GRIP1: variants seen among roughly 807,000 people sequenced by gnomAD.
GRIP1 encodes the protein glutamate receptor-interacting protein 1.
In GRIP1, 45 loss-of-function variants were observed where a neutral mutation model predicts 129.9. The observed-to-expected ratio is 0.35, with a 90% CI of 0.27 to 0.44. GRIP1 has a LOEUF of 0.44. GRIP1 is among the 20% of genes least tolerant of loss of function. GRIP1 has a pLI of 1.00. For synonymous variants in GRIP1, 530 were observed against 520.8 expected, an observed-to-expected ratio of 1.02 and a Z score of -0.24; for missense variants, 1,196 against 1,396.8, an observed-to-expected ratio of 0.86 and a Z score of 2.29.
At chr12:66,561,995 G>T (rs1001131773) in intron 2 of GRIP1, among the ~76,000 whole-genome samples, 1 of 151,922 alleles carries the variant, frequency 6.6e-6, no homozygotes, top group African/African-American at 2.4e-5. Context: ...CCTGGTGGGG[G>T]ATGTGGGGGT....
intron 1 of GRIP1, among the ~76,000 whole-genome samples, chr12:66,856,089 T>A (rs187926229): frequency 7.0e-4 from 107 of 152,214 alleles, no homozygotes; most frequent in African/African-American, 2.4e-3. Flanking sequence ...TGAAACCATC[T>A]TTGACAAACC....
At chr12:66,388,073 G>GT (rs1158429088) in intron 19 of GRIP1, among the ~76,000 whole-genome samples, 1 of 149,742 alleles carries the variant, frequency 6.7e-6, no homozygotes, top group African/African-American at 2.4e-5. Context: ...AAAATTGTAC[G>GT]TAAAAAAAAA....
At chr12:66,421,093 G>C (rs1030178199) in intron 14 of GRIP1, among the ~76,000 whole-genome samples, 2 of 152,072 alleles carry the variant, frequency 1.3e-5, no homozygotes, top group South Asian at 2.1e-4. Flanking sequence ...CTGAAGGGTG[G>C]GTATCTCAGT....
chr12:66,679,250 A>C (rs1443619909), upstream of GRIP1: 3 of 690,852 alleles, frequency 4.3e-6, no homozygotes, highest in Non-Finnish European at 6.3e-6. Flanking sequence ...AACGCTAAGC[A>C]CTGAACAGTG....
At chr12:66,794,040 TTATAAAG>T (rs2038625103) in intron 1 of GRIP1, among the ~76,000 whole-genome samples, 1 of 152,168 alleles carries the variant, frequency 6.6e-6, no homozygotes, top group African/African-American at 2.4e-5. Context: ...TATAAGAATC[TTATAAAG>T]TATAAACACT....
chr12:66,675,404 A>G (rs1393506851), intron 1 of GRIP1, among the ~76,000 whole-genome samples: 1 of 152,182 alleles, frequency 6.6e-6, no homozygotes, highest in African/African-American at 2.4e-5. Flanking sequence ...ATCCCATATC[A>G]CCAGAGAAAG....
At chr12:66,433,839 C>T (rs986314834) in intron 13 of GRIP1, among the ~76,000 whole-genome samples, 18 of 152,144 alleles carry the variant, frequency 1.2e-4, no homozygotes, top group African/African-American at 3.6e-4. Flanking sequence ...TCCACTTGGC[C>T]GGCTTGGTCA....
At chr12:66,870,519 G>A (rs1243994006) in intron 1 of GRIP1, among the ~76,000 whole-genome samples, 1 of 152,116 alleles carries the variant, frequency 6.6e-6, no homozygotes, top group Non-Finnish European at 1.5e-5. Context: ...TGGTATAAAA[G>A]CTTAAACTGT....
At chr12:66,623,497 C>T (rs912256556) in intron 1 of GRIP1, among the ~76,000 whole-genome samples, 1 of 152,112 alleles carries the variant, frequency 6.6e-6, no homozygotes, top group African/African-American at 2.4e-5. Flanking sequence ...ACAATATATA[C>T]TTGAACATTT....
rs878936374 is a variant in GRIP1, at chr12:66,444,472, G to A, written c.1687+112C>T. The A allele has an allele frequency of 2.1e-4, 181 of 868,108 alleles. 1 individual carries two copies. The South Asian group carries it at 2.2e-3, about 10-fold the overall frequency. The allele number at this position is 868,108 out of a possible 1,614,324, so 53.8% of individuals were successfully genotyped here. On this transcript the variant is annotated intron_variant, in intron 13 of 24. Coordinates refer to ENST00000359742, the MANE Select transcript of GRIP1 (RefSeq NM_001366722.1). Reference sequence around the variant, plus strand: ...CTGCAGTCCGCAGTCCAGCCTGGGCGACAGAGCGAGACTCCGTCTCAAAAA... The same window carrying A: ...CTGCAGTCCGCAGTCCAGCCTGGGCAACAGAGCGAGACTCCGTCTCAAAAA...
At chr12:66,522,159 C>T (rs142233835) in intron 5 of GRIP1, among the ~76,000 whole-genome samples, 1,831 of 152,328 alleles carry the variant, frequency 0.012, 42 homozygotes, top group East Asian at 0.1. Flanking sequence ...AGTAGTGGTT[C>T]TCCCAGCATG....
At chr12:66,660,876 T>A (rs1287063370) in intron 1 of GRIP1, among the ~76,000 whole-genome samples, 4 of 152,074 alleles carry the variant, frequency 2.6e-5, no homozygotes, top group African/African-American at 9.7e-5. Flanking sequence ...TTTGTGTGTA[T>A]ATGTTTATAT....
At chr12:66,959,815 G>A (rs2041896491) in intron 1 of GRIP1, among the ~76,000 whole-genome samples, 1 of 151,974 alleles carries the variant, frequency 6.6e-6, no homozygotes. Flanking sequence ...TATGTACATA[G>A]ATATTCATGT....
intron 1 of GRIP1, among the ~76,000 whole-genome samples, chr12:66,609,954 G>C (rs2064717592): frequency 6.6e-6 from 1 of 152,032 alleles, no homozygotes; most frequent in African/African-American, 2.4e-5. Context: ...GTTCATTTAT[G>C]ATAACTGAAA....
intron 1 of GRIP1, among the ~76,000 whole-genome samples, chr12:66,701,287 C>T (rs2035343590): frequency 6.6e-6 from 1 of 152,194 alleles, no homozygotes; most frequent in Non-Finnish European, 1.5e-5. Context: ...TACTCTGATG[C>T]TTTTCCTTTG....
chr12:66,404,681 G>A (rs1339724690), intron 16 of GRIP1, among the ~76,000 whole-genome samples: 1 of 152,108 alleles, frequency 6.6e-6, no homozygotes, highest in Non-Finnish European at 1.5e-5. Context: ...TATGAATGTA[G>A]TTGTTCTATG....
At chr12:66,440,565 G>A (rs2058444350) in intron 13 of GRIP1, among the ~76,000 whole-genome samples, 1 of 152,160 alleles carries the variant, frequency 6.6e-6, no homozygotes, top group Non-Finnish European at 1.5e-5. Context: ...AACATGTGAT[G>A]TTTGTCTTTC....
At chr12:66,823,597 A>T (rs910529003) in intron 1 of GRIP1, among the ~76,000 whole-genome samples, 12 of 152,156 alleles carry the variant, frequency 7.9e-5, no homozygotes, top group Admixed American at 2.6e-4. Context: ...AAAAATTAAG[A>T]TTTTGTACTT....
rs200035029 is a variant in GRIP1 at position 66,485,664 on chromosome 12, C to CT, written c.725-20243dup. Among the ~76,000 whole-genome samples, 1,470 of 151,442 alleles carry CT rather than the reference C, an allele frequency of 9.7e-3. 25 individuals are homozygous for CT. Among genetic ancestry groups the CT allele is most frequent in the African/African-American group, 0.033 (1,347 of 41,354 alleles). ...AAAGTCATCGTGATGCTCTCATATG[C>CT]TTTTTTTTACAGGTTTCATTGTTTA... On this transcript the variant is annotated intron_variant, in intron 7 of 24. Transcript: ENST00000359742.
Sources: gnomAD v4.1 joint callset for allele counts (sites outside exome capture counted in the v4.1 genomes callset) on GRCh38, gnomAD v4.1.1 for gene constraint, MANE v1.5 for transcripts, NCBI Gene and HGNC (gene_info 2026-07-23, HGNC 2026-07-21) for gene names.